The following SLC9A9 variants were observed in gnomAD, a reference collection of about 807,000 sequenced individuals.
SLC9A9 encodes the protein solute carrier family 9 member A9.
A neutral mutation model predicts 77.8 loss-of-function variants in SLC9A9; 62 were observed. That is an observed-to-expected ratio of 0.80 (90% confidence interval 0.65 to 0.98). The LOEUF is 0.98. Among genes scored for constraint, SLC9A9 ranks in the 50% least tolerant of loss-of-function variants. The pLI is 0.00. For missense variants in SLC9A9, 775 were observed against 774.9 expected (o/e 1.00, Z 0.00); for synonymous variants, 320 against 283.5 (o/e 1.13, Z -1.29).
At chr3:143,819,754 G>A (rs2009119823) in intron 2 of SLC9A9, among the ~76,000 whole-genome samples, 1 of 152,182 alleles carries the variant, frequency 6.6e-6, no homozygotes, top group African/African-American at 2.4e-5. Flanking sequence ...ATAATAGTAA[G>A]TAATTAAAAA....
At chr3:143,695,222 C>T (rs892741298) in intron 4 of SLC9A9, among the ~76,000 whole-genome samples, 1 of 152,086 alleles carries the variant, frequency 6.6e-6, no homozygotes, top group Non-Finnish European at 1.5e-5. Flanking sequence ...TTCTGGGATA[C>T]ATGTGCAGAA....
At chr3:143,588,475 T>A (rs2037592937) in intron 6 of SLC9A9, among the ~76,000 whole-genome samples, 1 of 152,198 alleles carries the variant, frequency 6.6e-6, no homozygotes, top group Admixed American at 6.5e-5. Flanking sequence ...CTTTGACAGA[T>A]TCCTAAGTGG....
chr3:143,730,272 C>T lies in SLC9A9; in HGVS notation c.534-36965G>A, dbSNP rs894890590. On this transcript the variant is annotated intron_variant, in intron 4 of 15. Coordinates refer to ENST00000316549, the MANE Select transcript of SLC9A9 (RefSeq NM_173653.4). ...TCAAGAGCAAGGATTAGTCTTACAA[C>T]TCATCTCCCGCTCTTCCTCAAACCC... is the stretch of plus-strand genomic sequence containing the variant. 2.0e-5 allele frequency among the ~76,000 whole-genome samples: 3 copies of T among 152,200 alleles called. No individual in the cohort carries two copies. The East Asian group carries it at 5.8e-4, about 29-fold the overall frequency.
At chr3:143,396,875 A>G (rs956994080) in intron 12 of SLC9A9, among the ~76,000 whole-genome samples, 1 of 152,180 alleles carries the variant, frequency 6.6e-6, no homozygotes, top group African/African-American at 2.4e-5. Flanking sequence ...GGCTGCAGAG[A>G]TAAAATGTGT....
chr3:143,563,908 C>T (rs1270278739), intron 8 of SLC9A9, among the ~76,000 whole-genome samples: 2 of 152,132 alleles, frequency 1.3e-5, no homozygotes, highest in African/African-American at 4.8e-5. Flanking sequence ...CTTCACTTGA[C>T]TTCCTGTCAA....
chr3:143,347,008 A>G (rs2032299731), intron 14 of SLC9A9: 1 of 152,204 alleles, frequency 6.6e-6, no homozygotes, highest in Non-Finnish European at 1.5e-5. Flanking sequence ...AAGCAGATGA[A>G]AGGAAATAGA....
Position 143,363,498 on chromosome 3 carries a change from A to G in SLC9A9, c.1590T>C (p.Tyr530=), listed in dbSNP as rs1137648. The change falls in exon 14 of 16, where the codon TAT becomes TAC. Residue 530 remains tyrosine, a synonymous_variant. Transcript: ENST00000316549. ...TCAAAGGATACTTGTGGTCAAAGCT[A>G]TACCACATTCTGAAGAGCCGAGCAC... ...AESARLFRMW[Y]SFDHKYLKPI... is the part of the protein sequence containing the mutation. 6.2e-7 allele frequency: 1 copy of G among 1,612,768 alleles called. No individual in the cohort carries two copies. Among genetic ancestry groups the G allele is most frequent in the Non-Finnish European group, 8.5e-7 (1 of 1,178,968 alleles).
At chr3:143,553,129 C>T (rs556810071) in intron 8 of SLC9A9, among the ~76,000 whole-genome samples, 1 of 152,292 alleles carries the variant, frequency 6.6e-6, no homozygotes, top group Non-Finnish European at 1.5e-5. Flanking sequence ...AACAGTGGAC[C>T]TTCAGTTGCT....
At chr3:143,410,382 A>T (rs1303418514) in intron 12 of SLC9A9, among the ~76,000 whole-genome samples, 1 of 152,162 alleles carries the variant, frequency 6.6e-6, no homozygotes, top group African/African-American at 2.4e-5. Flanking sequence ...TCAAAATTCA[A>T]CTTGTCTGAC....
intron 4 of SLC9A9, among the ~76,000 whole-genome samples, chr3:143,791,881 C>T (rs879896566): frequency 1.3e-5 from 2 of 152,176 alleles, no homozygotes; most frequent in Admixed American, 1.3e-4. Flanking sequence ...AGAACTCCTA[C>T]TGGGATAATG....
At chr3:143,487,239 ATTT>A (rs2035668066) in intron 11 of SLC9A9, among the ~76,000 whole-genome samples, 3 of 152,004 alleles carry the variant, frequency 2.0e-5, no homozygotes, top group African/African-American at 7.2e-5. Context: ...AATTATAAAC[ATTT>A]ACATACCTAA....
intron 14 of SLC9A9, among the ~76,000 whole-genome samples, chr3:143,361,994 AT>A (rs1405100314): frequency 6.6e-6 from 1 of 152,092 alleles, no homozygotes; most frequent in Non-Finnish European, 1.5e-5. Flanking sequence ...CTTTAGTCAA[AT>A]TTTTATAATT....
rs1265419342 is a variant in SLC9A9, at chr3:143,797,045, GA to G, written c.379-143del. The stretch of plus-strand genomic sequence containing the variant: ...ATTAACTTGGCAGAGATGAAGGTAG[GA>G]AAAAATGAAAATTTGGAAATTCATA... On this transcript the variant is annotated intron_variant, in intron 2 of 15. Transcript: ENST00000316549. 1.6e-5 allele frequency: 10 copies of G among 626,300 alleles called. No homozygotes were observed. The East Asian group carries it at 2.0e-4, about 13-fold the overall frequency. 38.8% of individuals were successfully genotyped at this position (626,300 alleles called of 1,614,324 possible).
chr3:143,529,934 A>G lies in SLC9A9; in HGVS notation c.1089+22428T>C, dbSNP rs554558744. 3.3e-4 allele frequency among the ~76,000 whole-genome samples: 50 copies of G among 152,300 alleles called. No homozygotes were observed. The East Asian group carries it at 8.5e-3, about 26-fold the overall frequency. On this transcript the variant is annotated intron_variant, in intron 9 of 15. Coordinates refer to ENST00000316549, the MANE Select transcript of SLC9A9 (RefSeq NM_173653.4). ...GAACAGAAGCCACTCCTATGACTCT[A>G]GGACGGAAGAATGAGAATGAGGAAA...
intron 14 of SLC9A9, among the ~76,000 whole-genome samples, chr3:143,281,609 G>T (rs1010138093): frequency 2.0e-5 from 3 of 152,204 alleles, no homozygotes; most frequent in African/African-American, 7.2e-5. Context: ...CAGAGAGTTA[G>T]ATTGCAAATG....
Position 143,607,127 on chromosome 3 carries a change from T to C in SLC9A9, c.756-28404A>G, listed in dbSNP as rs147072314. 2.2e-3 allele frequency among the ~76,000 whole-genome samples: 336 copies of C among 152,046 alleles called. 5 individuals carry two copies. Among genetic ancestry groups the C allele is most frequent in the Admixed American group, 0.02 (305 of 15,266 alleles). On this transcript the variant is annotated intron_variant, in intron 6 of 15. Coordinates refer to ENST00000316549, the MANE Select transcript of SLC9A9 (RefSeq NM_173653.4). ...AAATATAAAATATAATTACCTAATA[T>C]CAACAAAGTTCTGAGGGAAAATATT... is the stretch of plus-strand genomic sequence containing the variant.
chr3:143,573,082 A>C (rs2037293483), intron 8 of SLC9A9, among the ~76,000 whole-genome samples: 1 of 152,164 alleles, frequency 6.6e-6, no homozygotes, highest in Non-Finnish European at 1.5e-5. Flanking sequence ...ATAGTCTTTT[A>C]CTTTTGAATC....
chr3:143,314,300 A>C (rs1320143054), intron 14 of SLC9A9: 3 of 152,362 alleles, frequency 2.0e-5, no homozygotes, highest in Non-Finnish European at 4.4e-5. Flanking sequence ...ATCAAATGTC[A>C]GGGTCCTGTG....
At chr3:143,535,153 A>G (rs2036572146) in intron 9 of SLC9A9, among the ~76,000 whole-genome samples, 1 of 152,246 alleles carries the variant, frequency 6.6e-6, no homozygotes, top group Non-Finnish European at 1.5e-5. Context: ...GACTAAAGAA[A>G]ACATTCAGGA....
Sources: gnomAD v4.1 joint callset for allele counts (sites outside exome capture counted in the v4.1 genomes callset) on GRCh38, gnomAD v4.1.1 for gene constraint, MANE v1.5 for transcripts, NCBI Gene and HGNC (gene_info 2026-07-23, HGNC 2026-07-21) for gene names.